The following HSPG2 variants were observed in gnomAD, a reference collection of about 807,000 sequenced individuals.
The protein encoded by HSPG2 is basement membrane-specific heparan sulfate proteoglycan core protein.
Under a neutral mutation model 526.6 loss-of-function variants are expected in HSPG2, and 278 were observed. The observed-to-expected ratio is 0.53, with a 90% CI of 0.48 to 0.58. The LOEUF is 0.58. HSPG2 is among the 20% of genes least tolerant of loss of function. The probability of loss-of-function intolerance (pLI) is 0.00; values close to 1 mark genes in which losing one functional copy is unlikely to be tolerated. For synonymous variants in HSPG2, 2,465 were observed against 2,555.4 expected (o/e 0.96, Z 1.07); for missense variants, 5,354 against 6,099.5 (o/e 0.88, Z 4.07).
chr1:21,930,584 G>A (rs1212110571), intron 1 of HSPG2, among the ~76,000 whole-genome samples: 2 of 152,122 alleles, frequency 1.3e-5, no homozygotes, highest in Admixed American at 6.6e-5. Context: ...GACCAACCTG[G>A]CCAACATGGT....
chr1:21,890,074 T>C lies in HSPG2; in HGVS notation c.481A>G (p.Ile161Val), dbSNP rs757292556. ...GSEGNADGAQIQEMLLRVISS... is the reference protein window; with the variant it reads ...GSEGNADGAQVQEMLLRVISS... The stretch of plus-strand genomic sequence containing the variant: ...ATGACCCTGAGCAGCATCTCCTGAA[T>C]CTGAGCCCCATCCGCATTCCCTTCC... The change falls in exon 6 of 97, where the codon ATT becomes GTT. Residue 161 changes from isoleucine (I) to valine (V), a missense_variant. Transcript: ENST00000374695. The surrounding 1 kb of genome is among the most constrained non-coding windows in gnomAD (Gnocchi z 4.1). 2 of 1,613,952 alleles carry C rather than the reference T, an allele frequency of 1.2e-6. No homozygotes were observed. The highest frequency in any genetic ancestry group is 3.3e-4 in the Middle Eastern group (2 of 6,062).
Position 21,898,387 on chromosome 1 carries a change from G to C in HSPG2, c.64-2077C>G, listed in dbSNP as rs1177330720. ...CTTCTCCTCTCCCTGCCCTCTCCCTGTCCTCCTGAGTGCTGGCCTGTGGAC... is the reference window on the plus strand; with the variant it reads ...CTTCTCCTCTCCCTGCCCTCTCCCTCTCCTCCTGAGTGCTGGCCTGTGGAC... On this transcript the variant is annotated intron_variant, in intron 1 of 96. Coordinates refer to ENST00000374695, the MANE Select transcript of HSPG2 (RefSeq NM_005529.7). This position sits in a 1 kb window ranked among gnomAD's most constrained non-coding sequence, Gnocchi z 4.0. Among the ~76,000 whole-genome samples the C allele has an allele frequency of 6.6e-6, 1 of 152,208 alleles. No homozygotes were observed. The highest frequency in any genetic ancestry group is 2.4e-5 in the African/African-American group (1 of 41,442).
intron 44 of HSPG2, among the ~76,000 whole-genome samples, chr1:21,856,772 T>C (rs961367389): frequency 6.6e-6 from 1 of 152,182 alleles, no homozygotes; most frequent in Non-Finnish European, 1.5e-5. Flanking sequence ...CTCATCGCCA[T>C]GTGTAGTTAT....
In HSPG2 at chr1:21,893,311, C is replaced by T. The variant is rs1387228072; in HGVS notation, c.244+2611G>A. ...CACCCATCTCTGCCCGTCAACACCC[C>T]ATGGGGAAGAACGCCCGCCAGGGTT... On this transcript the variant is annotated intron_variant, in intron 3 of 96. Coordinates refer to ENST00000374695, the MANE Select transcript of HSPG2 (RefSeq NM_005529.7). This position sits in a 1 kb window ranked among gnomAD's most constrained non-coding sequence, Gnocchi z 4.3. 6.6e-6 allele frequency among the ~76,000 whole-genome samples: 1 copy of T among 152,180 alleles called. No homozygotes were observed. Among genetic ancestry groups the T allele is most frequent in the Non-Finnish European group, 1.5e-5 (1 of 68,016 alleles).
At chr1:21,901,660 C>G (rs1054165951) in intron 1 of HSPG2, among the ~76,000 whole-genome samples, 2 of 152,090 alleles carry the variant, frequency 1.3e-5, no homozygotes, top group Non-Finnish European at 2.9e-5. Flanking sequence ...CGACTGCCCC[C>G]GCAGCTAGGC....
chr1:21,886,332 G>A (rs2152761348), intron 9 of HSPG2, among the ~76,000 whole-genome samples: 1 of 151,996 alleles, frequency 6.6e-6, no homozygotes, highest in Admixed American at 6.6e-5. Context: ...GCCACAGAAA[G>A]GCGTTCGCAA....
chr1:21,903,565 A>G (rs1395945294), intron 1 of HSPG2, among the ~76,000 whole-genome samples: 2 of 152,316 alleles, frequency 1.3e-5, no homozygotes, highest in East Asian at 3.9e-4. Flanking sequence ...GCGCCACTGC[A>G]CTCCAGCCTG....
chr1:21,926,746 A>T (rs1644202451), intron 1 of HSPG2, among the ~76,000 whole-genome samples: 1 of 120,122 alleles, frequency 8.3e-6, no homozygotes, highest in East Asian at 2.7e-4. Flanking sequence ...TGGGAGACAG[A>T]GTGAGACTCA....
chr1:21,930,939 G>T (rs1644331102), intron 1 of HSPG2, among the ~76,000 whole-genome samples: 1 of 152,184 alleles, frequency 6.6e-6, no homozygotes, highest in Non-Finnish European at 1.5e-5. Flanking sequence ...CTAAAACCCA[G>T]AGCAACAGGA....
At chr1:21,926,880 A>G (rs1001807480) in intron 1 of HSPG2, among the ~76,000 whole-genome samples, 10 of 152,132 alleles carry the variant, frequency 6.6e-5, no homozygotes, top group African/African-American at 2.4e-4. Context: ...GGATCCAAGA[A>G]GAGGCATGAT....
At chr1:21,902,045 G>T (rs1415351824) in intron 1 of HSPG2, among the ~76,000 whole-genome samples, 1 of 152,172 alleles carries the variant, frequency 6.6e-6, no homozygotes, top group Non-Finnish European at 1.5e-5. Flanking sequence ...CAGGATCAAG[G>T]TGCCCTGCCC....
chr1:21,876,282 G>A lies in HSPG2; in HGVS notation c.2950C>T (p.Leu984Phe), dbSNP rs1472098153. ...CTCCAGAAGTAGGGTCCAGATAAGA[G>A]TCTGTGGAAGGAGGAGAATCCCAGT... ...GELGFSSFHRLLSGPYFWSLP... is the reference protein window; with the variant it reads ...GELGFSSFHRFLSGPYFWSLP... Residue 984 changes from leucine to phenylalanine, a missense_variant, in exon 23 of 97, where the codon CTC becomes TTC. Leu to Phe is a conservative substitution (Grantham distance 22). Coordinates refer to ENST00000374695, the MANE Select transcript of HSPG2 (RefSeq NM_005529.7). 6.2e-7 allele frequency: 1 copy of A among 1,614,034 alleles called. No homozygotes were observed. Among genetic ancestry groups the A allele is most frequent in the Admixed American group, 1.7e-5 (1 of 59,994 alleles).
chr1:21,928,471 C>T (rs776102837), intron 1 of HSPG2, among the ~76,000 whole-genome samples: 29 of 152,230 alleles, frequency 1.9e-4, no homozygotes, highest in Non-Finnish European at 2.8e-4. Context: ...GACAGAGTCT[C>T]GCAATGACGC....
chr1:21,865,099 G>C lies in HSPG2; in HGVS notation c.4396-26C>G, dbSNP rs369299441. On this transcript the variant is annotated intron_variant, in intron 35 of 96. Transcript: ENST00000374695. This position sits in a 1 kb window ranked among gnomAD's most constrained non-coding sequence, Gnocchi z 5.4. ...CTGGGTTGGGGGTGGCAACGTGGGC[G>C]GGGGCAGTGGGCTTTGTGGGCTGCT... The C allele has an allele frequency of 6.4e-7, 1 of 1,551,102 alleles. No homozygotes were observed. The highest frequency in any genetic ancestry group is 1.9e-5 in the Admixed American group (1 of 52,754).
At chr1:21,867,840 C>A (rs1467696205) in intron 33 of HSPG2, among the ~76,000 whole-genome samples, 3 of 151,842 alleles carry the variant, frequency 2.0e-5, no homozygotes, top group Admixed American at 2.0e-4. Flanking sequence ...AAGTGATTCT[C>A]CCCCTTCAGC....
At chr1:21,854,418 T>C (rs1442105709) in intron 49 of HSPG2, 75 bp from the exon 50 acceptor site, 3 of 1,527,088 alleles carry the variant, frequency 2.0e-6, no homozygotes, top group Non-Finnish European at 2.7e-6. Context: ...GCCTCAGTGA[T>C]TCATTCAAAC....
chr1:21,908,560 C>A, intron 1 of HSPG2: 3 of 832,518 alleles, frequency 3.6e-6, no homozygotes, highest in African/African-American at 1.7e-5. Context: ...GGAACCTATT[C>A]TCTATGAATT....
rs1046797704 is a variant in HSPG2 at position 21,895,274 on chromosome 1, AC to A, written c.244+647del. Among the ~76,000 whole-genome samples the A allele has an allele frequency of 1.3e-5, 2 of 152,098 alleles. No homozygotes were observed. The highest frequency in any genetic ancestry group is 4.8e-5 in the African/African-American group (2 of 41,398). The stretch of plus-strand genomic sequence containing the variant: ...CTTGTCCTGGGGTAGGTCCTTCTCC[AC>A]CCAGTATCCCAGAGTGGAAGGAAGC... On this transcript the variant is annotated intron_variant, in intron 3 of 96. Transcript: ENST00000374695. The surrounding 1 kb of genome is among the most constrained non-coding windows in gnomAD (Gnocchi z 4.1).
Position 21,847,491 on chromosome 1 carries a change from G to T in HSPG2, c.8027C>A (p.Thr2676Asn), listed in dbSNP as rs1202979988. The T allele has an allele frequency of 6.2e-7, 1 of 1,613,808 alleles. No homozygotes were observed. Among genetic ancestry groups the T allele is most frequent in the Non-Finnish European group, 8.5e-7 (1 of 1,179,990 alleles). The change falls in exon 62 of 97, where the codon ACC (threonine) becomes AAC (asparagine). Residue 2676 changes from threonine to asparagine, a missense_variant and splice_region_variant. Thr to Asn is a moderately conservative substitution (Grantham distance 65). Transcript: ENST00000374695. This position sits in a 1 kb window ranked among gnomAD's most constrained non-coding sequence, Gnocchi z 4.1. Reference protein sequence around the residue: ...RGGSLPSRHQTHGSHLRLHQM... With the variant: ...RGGSLPSRHQNHGSHLRLHQM... ...GTGCAACCGCAGGTGGGAGCCATGG[G>T]TCTGGACGTGCGGATGGGGAAGGAG...
Sources: gnomAD v4.1 joint callset for allele counts (sites outside exome capture counted in the v4.1 genomes callset) on GRCh38, gnomAD v4.1.1 for gene constraint, Gnocchi (gnomAD v3.1) non-coding constraint, MANE v1.5 for transcripts, NCBI Gene and HGNC (gene_info 2026-07-23, HGNC 2026-07-21) for gene names.